Variants in SLC35F1 observed in about 807,000 individuals in gnomAD.
SLC35F1 encodes solute carrier family 35 member F1, also known as chromosome 6 open reading frame 169.
SLC35F1 carries 14 observed loss-of-function variants against 48.7 expected under a neutral mutation model. The ratio of observed to expected loss-of-function variants is 0.29; its 90% CI spans 0.19 to 0.45. The LOEUF (loss-of-function observed/expected upper bound fraction) is 0.45, where lower values mean the gene tolerates loss of function less well. Among genes scored for constraint, SLC35F1 ranks in the 20% least tolerant of loss-of-function variants. The probability of loss-of-function intolerance (pLI) is 1.00; values close to 1 mark genes in which losing one functional copy is unlikely to be tolerated. For missense variants in SLC35F1, 404 were observed against 500.0 expected, an observed-to-expected ratio of 0.81 and a Z score of 1.83; for synonymous variants, 190 against 202.2, an observed-to-expected ratio of 0.94 and a Z score of 0.51.
intron 1 of SLC35F1, among the ~76,000 whole-genome samples, chr6:117,915,265 A>G (rs1775812626): frequency 6.6e-6 from 1 of 152,198 alleles, no homozygotes; most frequent in South Asian, 2.1e-4. Context: ...TTTACCTTAT[A>G]AGGCATATAC....
At chr6:118,192,456 C>G (rs1774744943) in intron 2 of SLC35F1, among the ~76,000 whole-genome samples, 1 of 152,208 alleles carries the variant, frequency 6.6e-6, no homozygotes, top group East Asian at 1.9e-4. Context: ...CTTTCATGAA[C>G]CTCCTAAAAG....
intron 3 of SLC35F1, among the ~76,000 whole-genome samples, chr6:118,243,585 C>T (rs1775468113): frequency 6.6e-6 from 1 of 152,206 alleles, no homozygotes; most frequent in African/African-American, 2.4e-5. Flanking sequence ...CTGCAACCAG[C>T]TCCATGGAGA....
At chr6:118,309,592 T>C (rs1776351029) in intron 7 of SLC35F1, among the ~76,000 whole-genome samples, 1 of 152,242 alleles carries the variant, frequency 6.6e-6, no homozygotes, top group South Asian at 2.1e-4. Context: ...AGCATTGCCC[T>C]CTTCTTCACA....
intron 3 of SLC35F1, among the ~76,000 whole-genome samples, chr6:118,235,880 T>A (rs941861935): frequency 2.0e-5 from 3 of 152,198 alleles, no homozygotes; most frequent in African/African-American, 7.2e-5. Flanking sequence ...AATTTAAGTG[T>A]AATTGGACAT....
intron 1 of SLC35F1, among the ~76,000 whole-genome samples, chr6:118,021,095 T>C (rs1452914546): frequency 6.6e-6 from 1 of 152,178 alleles, no homozygotes; most frequent in Non-Finnish European, 1.5e-5. Flanking sequence ...GGCACAAGAA[T>C]AGAGCCTGGA....
intron 7 of SLC35F1, among the ~76,000 whole-genome samples, chr6:118,305,807 C>T (rs771614932): frequency 2.6e-5 from 4 of 152,142 alleles, no homozygotes; most frequent in Non-Finnish European, 2.9e-5. Flanking sequence ...ATGACAATTA[C>T]GGTCCTCGTT....
chr6:117,999,736 A>G (rs1192869678), intron 1 of SLC35F1, among the ~76,000 whole-genome samples: 3 of 151,994 alleles, frequency 2.0e-5, no homozygotes, highest in Non-Finnish European at 4.4e-5. Flanking sequence ...AGAAGAATCA[A>G]ATAGACACAA....
intron 2 of SLC35F1, among the ~76,000 whole-genome samples, chr6:118,171,962 T>C (rs1774410739): frequency 6.6e-6 from 1 of 152,114 alleles, no homozygotes; most frequent in Admixed American, 6.6e-5. Context: ...TGGATAATAA[T>C]ATAGGAATTT....
chr6:118,133,991 C>A (rs1333993359), intron 1 of SLC35F1, among the ~76,000 whole-genome samples: 6 of 152,188 alleles, frequency 3.9e-5, no homozygotes, highest in Non-Finnish European at 4.4e-5. Flanking sequence ...TTTCTCAGAC[C>A]ATCAGGACAG....
intron 7 of SLC35F1, among the ~76,000 whole-genome samples, chr6:118,312,850 A>G (rs1177670950): frequency 6.6e-6 from 1 of 152,054 alleles, no homozygotes; most frequent in African/African-American, 2.4e-5. Context: ...CTTTCTTCCA[A>G]CTTCCAATTA....
intron 1 of SLC35F1, among the ~76,000 whole-genome samples, chr6:118,139,213 C>T (rs1213737072): frequency 1.3e-5 from 2 of 152,210 alleles, no homozygotes; most frequent in South Asian, 2.1e-4. Flanking sequence ...CCCGGGTTCA[C>T]GCCATTCTCT....
At chr6:118,290,122 T>G (rs1025463143) in intron 7 of SLC35F1, among the ~76,000 whole-genome samples, 3 of 152,186 alleles carry the variant, frequency 2.0e-5, no homozygotes, top group African/African-American at 7.2e-5. Context: ...CCTTAATTAT[T>G]GAATTCAGGT....
chr6:117,935,200 T>C (rs1282194465), intron 1 of SLC35F1, among the ~76,000 whole-genome samples: 1 of 152,222 alleles, frequency 6.6e-6, no homozygotes, highest in African/African-American at 2.4e-5. Context: ...ATCTTTTCCA[T>C]TGGACAGATT....
chr6:118,290,513 G>T lies in SLC35F1; in HGVS notation c.1002+5175G>T, dbSNP rs1487651179. Among the ~76,000 whole-genome samples the T allele has an allele frequency of 2.1e-5, 3 of 143,640 alleles. No individual in the cohort carries two copies. The East Asian group carries it at 6.0e-4, about 29-fold the overall frequency. 94.2% of individuals were successfully genotyped at this position (143,640 alleles called of 152,430 possible). A position where few individuals can be genotyped will look rare whatever the true frequency, so the allele number is the denominator to read the frequency against. ...TTATGAACAATCATATTTAGTATCT[G>T]CAAAAAAAAAAAGCAAAATACTCAA... On this transcript the variant is annotated intron_variant, in intron 7 of 7. Transcript: ENST00000360388.
At chr6:118,126,806 G>A (rs1582680209) in intron 1 of SLC35F1, among the ~76,000 whole-genome samples, 1 of 151,908 alleles carries the variant, frequency 6.6e-6, no homozygotes, top group African/African-American at 2.4e-5. Context: ...GTATAAGAAT[G>A]CCTGTGATTT....
intron 1 of SLC35F1, among the ~76,000 whole-genome samples, chr6:118,092,903 G>A (rs927326343): frequency 5.3e-5 from 8 of 152,098 alleles, no homozygotes; most frequent in South Asian, 2.1e-4. Flanking sequence ...TTGATTTGAC[G>A]GGCTCATAGG....
chr6:118,177,809 C>T (rs17079810), intron 2 of SLC35F1, among the ~76,000 whole-genome samples: 4,760 of 151,990 alleles, frequency 0.031, 252 homozygotes, highest in African/African-American at 0.11. Flanking sequence ...TTTGGACTCT[C>T]CTGTGAACTC....
chr6:118,242,099 T>C (rs1449431719), intron 3 of SLC35F1, among the ~76,000 whole-genome samples: 2 of 152,212 alleles, frequency 1.3e-5, no homozygotes, highest in East Asian at 3.8e-4. Flanking sequence ...AAAAGTGCAA[T>C]AGCTGGGTCA....
Position 118,112,070 on chromosome 6 carries a change from T to TTTCTTTCTC in SLC35F1, c.174-42373_174-42372insCTTTCTCTT, listed in dbSNP as rs1166380582. Among the ~76,000 whole-genome samples, 264 of 147,098 alleles carry TTTCTTTCTC rather than the reference T, an allele frequency of 1.8e-3. 3 individuals are homozygous for TTTCTTTCTC. The highest frequency in any genetic ancestry group is 5.5e-3 in the African/African-American group (208 of 38,054). On this transcript the variant is annotated intron_variant, in intron 1 of 7. Transcript: ENST00000360388. Reference sequence around the variant, plus strand: ...CAAAGGCCTTTCTTTCTTTCTTTCTTTTTCTTTATTTCTTTCTTTTCTTTT... The same window carrying TTTCTTTCTC: ...CAAAGGCCTTTCTTTCTTTCTTTCTTTTCTTTCTCTTTCTTTATTTCTTTCTTTTCTTTT...
Sources: gnomAD v4.1 joint callset for allele counts (sites outside exome capture counted in the v4.1 genomes callset) on GRCh38, gnomAD v4.1.1 for gene constraint, MANE v1.5 for transcripts, NCBI Gene and HGNC (gene_info 2026-07-23, HGNC 2026-07-21) for gene names.